INO80D: variants seen among roughly 807,000 people sequenced by gnomAD.
INO80D encodes INO80 complex subunit D.
In INO80D, 21 loss-of-function variants were observed where a neutral mutation model predicts 87.6. The observed-to-expected ratio is 0.24, with a 90% CI of 0.17 to 0.35. The LOEUF is 0.35. Among genes scored for constraint, INO80D ranks in the 10% least tolerant of loss-of-function variants. INO80D has a pLI of 1.00. For synonymous variants in INO80D, 440 were observed against 491.0 expected, an observed-to-expected ratio of 0.90 and a Z score of 1.37; for missense variants, 982 against 1,280.7, an observed-to-expected ratio of 0.77 and a Z score of 3.56.
At chr2:206,084,086 T>G (rs76491170) in intron 1 of INO80D, among the ~76,000 whole-genome samples, 5,765 of 151,660 alleles carry the variant, frequency 0.038, 170 homozygotes, top group Non-Finnish European at 0.054. Flanking sequence ...TTTTTTTTTT[T>G]TAACGTTCAG....
chr2:206,025,685 T>G (rs1455190735), intron 6 of INO80D: 1 of 151,190 alleles, frequency 6.6e-6, no homozygotes, highest in Admixed American at 6.6e-5. Flanking sequence ...CTGCTTCACT[T>G]GACTAGCCTT....
At chr2:206,038,539 G>C (rs1688950443) in intron 5 of INO80D, among the ~76,000 whole-genome samples, 1 of 152,048 alleles carries the variant, frequency 6.6e-6, no homozygotes, top group South Asian at 2.1e-4. Flanking sequence ...ACAATAAATA[G>C]AAAAAACTTG....
chr2:206,063,112 G>A (rs1416953543), intron 2 of INO80D, 39 bp downstream of exon 2: 7 of 849,200 alleles, frequency 8.2e-6, no homozygotes, highest in Admixed American at 5.1e-5. Flanking sequence ...GATTTAAGTT[G>A]AGAATTTCAC....
At chr2:206,065,974 C>T (rs4673343) in intron 1 of INO80D, among the ~76,000 whole-genome samples, 150,394 of 152,320 alleles carry the variant, frequency 0.99, 74,247 homozygotes, top group East Asian at 1. Flanking sequence ...TAAAGAACAG[C>T]ATGGGCCGGG....
At chr2:206,042,723 G>A (rs895062459) in intron 5 of INO80D, among the ~76,000 whole-genome samples, 2 of 150,838 alleles carry the variant, frequency 1.3e-5, no homozygotes, top group African/African-American at 4.9e-5. Context: ...AGCAGCTCAC[G>A]CCTGTAATCC....
intron 6 of INO80D, 78 bp from the exon 7 acceptor site, chr2:206,019,923 AACTCTGTAAC>A: frequency 1.1e-6 from 1 of 921,200 alleles, no homozygotes; most frequent in Non-Finnish European, 1.7e-6. Context: ...ATGATGTCAC[AACTCTGTAAC>A]ACTCTCATTA....
rs1553612838 is a variant in INO80D, at chr2:205,994,887, A to AAAAAAAG, written c.*9480_*9481insCTTTTTT. On this transcript the variant is annotated 3_prime_UTR_variant, in exon 11 of 11. Transcript: ENST00000403263. ...ACTTGGAACTCGCAAAAAAAAAAAAAAAAGAAAGAAAGAAAGAAAGAAAAA... is the reference window on the plus strand; with the variant it reads ...ACTTGGAACTCGCAAAAAAAAAAAAAAAAAAAGAAAGAAAGAAAGAAAGAAAGAAAAA... 1 of 150,924 alleles carries AAAAAAAG rather than the reference A, an allele frequency of 6.6e-6. No individual in the cohort carries two copies. Among genetic ancestry groups the AAAAAAAG allele is most frequent in the African/African-American group, 2.5e-5 (1 of 40,760 alleles). 9.3% of individuals were successfully genotyped at this position (150,924 alleles called of 1,614,324 possible). A position where few individuals can be genotyped will look rare whatever the true frequency, so the allele number is the denominator to read the frequency against.
chr2:206,032,338 T>C (rs964570534), intron 5 of INO80D, among the ~76,000 whole-genome samples: 2 of 152,164 alleles, frequency 1.3e-5, no homozygotes, highest in African/African-American at 4.8e-5. Context: ...CTGGGGCTAT[T>C]AGGTGGGGCA....
chr2:206,017,779 T>C lies in INO80D; in HGVS notation c.1443A>G (p.Ser481=), dbSNP rs377253348. The change falls in exon 8 of 11, where the codon TCA becomes TCG. Residue 481 remains serine, a synonymous_variant. Transcript: ENST00000403263. ...ILLNHSQQLF[S]SCTAKFADGQ... is the part of the protein sequence containing the mutation. ...CATCTGCAAACTTGGCTGTGCAACTTGAGAAGAGCTGCTGAGAGTGGTTCA... is the reference window on the plus strand; with the variant it reads ...CATCTGCAAACTTGGCTGTGCAACTCGAGAAGAGCTGCTGAGAGTGGTTCA... 3.3e-4 allele frequency: 539 copies of C among 1,613,538 alleles called. 1 individual carries two copies. The highest frequency in any genetic ancestry group is 1.5e-3 in the Admixed American group (91 of 59,888).
At chr2:206,057,078 G>A (rs545733775) in intron 3 of INO80D, 135 bp from the exon 4 acceptor site, 692 of 806,350 alleles carry the variant, frequency 8.6e-4, no homozygotes, top group Non-Finnish European at 1.1e-3. Flanking sequence ...AACTTAACAT[G>A]CAAACCTCTA....
chr2:206,053,010 C>T (rs1357095672), intron 4 of INO80D, among the ~76,000 whole-genome samples: 2 of 151,982 alleles, frequency 1.3e-5, no homozygotes, highest in South Asian at 2.1e-4. Context: ...AATACTACTA[C>T]CCAGGGCTGA....
In INO80D at chr2:206,056,774, A is replaced by G; in HGVS notation, c.388T>C (p.Ser130Pro). The G allele has an allele frequency of 6.2e-7, 1 of 1,612,924 alleles. No homozygotes were observed. The highest frequency in any genetic ancestry group is 1.1e-5 in the South Asian group (1 of 90,786). ...LKMPNGLDGMSLSPPGARVPL... is the reference protein window; with the variant it reads ...LKMPNGLDGMPLSPPGARVPL... The stretch of plus-strand genomic sequence containing the variant: ...ACCCTTGCCCCAGGTGGAGAGAGGG[A>G]CATTCCATCCAGTCCGTTGGGCATC... Residue 130 changes from serine (S) to proline (P), a missense_variant, in exon 4 of 11, where the codon TCC (serine) becomes CCC (proline). Ser to Pro is a moderately conservative substitution (Grantham distance 74). Transcript: ENST00000403263.
At position 206,002,346 on chromosome 2, in the gene INO80D, T is replaced by C. The variant is rs188219053; in HGVS notation, c.*2022A>G. ...AATTATCTGTTCTCACCATTCAGAA[T>C]AGAAATTTATGGTGATACCAAATAT... is the stretch of plus-strand genomic sequence containing the variant. On this transcript the variant is annotated 3_prime_UTR_variant, in exon 11 of 11. Coordinates refer to ENST00000403263, the MANE Select transcript of INO80D (RefSeq NM_017759.5). 1 of 152,284 alleles carries C rather than the reference T, an allele frequency of 6.6e-6. No homozygotes were observed. Among genetic ancestry groups the C allele is most frequent in the African/African-American group, 2.4e-5 (1 of 41,566 alleles). The allele number at this position is 152,284 out of a possible 1,614,324, so 9.4% of individuals were successfully genotyped here.
chr2:206,042,311 C>A (rs1314827211), intron 5 of INO80D, among the ~76,000 whole-genome samples: 1 of 151,710 alleles, frequency 6.6e-6, no homozygotes, highest in African/African-American at 2.4e-5. Context: ...AAGCAAATTG[C>A]ATTCAAAACA....
At chr2:206,036,684 C>T (rs1389608247) in intron 5 of INO80D, among the ~76,000 whole-genome samples, 1 of 152,028 alleles carries the variant, frequency 6.6e-6, no homozygotes, top group African/African-American at 2.4e-5. Flanking sequence ...TAACCAAATA[C>T]CACCTGTACC....
chr2:206,019,588 A>T lies in INO80D; in HGVS notation c.1408+148T>A, dbSNP rs79046239. ...TAAAACAAGAAAAATTATTCAGAGG[A>T]CATCATGAAAATTATGTTCGATAAA... is the stretch of plus-strand genomic sequence containing the variant. On this transcript the variant is annotated intron_variant, in intron 7 of 10. Transcript: ENST00000403263. 456 of 606,492 alleles carry T rather than the reference A, an allele frequency of 7.5e-4. 8 individuals are homozygous for T. In the East Asian group the frequency reaches 0.011, roughly 15 times the overall value. 37.6% of individuals were successfully genotyped at this position (606,492 alleles called of 1,614,324 possible). A position where few individuals can be genotyped will look rare whatever the true frequency, so the allele number is the denominator to read the frequency against.
At chr2:206,040,806 G>T in intron 5 of INO80D, 2 of 200,430 alleles carry the variant, frequency 1.0e-5, no homozygotes, top group South Asian at 1.4e-4. Flanking sequence ...GATACAAAAC[G>T]GGCAAGAACA....
intron 5 of INO80D, among the ~76,000 whole-genome samples, chr2:206,037,790 A>G (rs1688930753): frequency 6.6e-6 from 1 of 152,250 alleles, no homozygotes; most frequent in Non-Finnish European, 1.5e-5. Context: ...TGTTGATAAC[A>G]GCACTATTCA....
chr2:206,008,568 C>T (rs535815272), intron 9 of INO80D, among the ~76,000 whole-genome samples: 35 of 152,210 alleles, frequency 2.3e-4, no homozygotes, highest in African/African-American at 5.3e-4. Flanking sequence ...CATGAGCCAC[C>T]GCACCTGGTC....
Sources: allele counts gnomAD v4.1 joint callset (sites outside exome capture counted in the v4.1 genomes callset), GRCh38; gene constraint gnomAD v4.1.1; transcripts MANE v1.5; gene names NCBI Gene and HGNC (gene_info 2026-07-23, HGNC 2026-07-21).